The following PITPNC1 variants were observed in gnomAD, a reference collection of about 807,000 sequenced individuals.
PITPNC1 encodes phosphatidylinositol transfer protein cytoplasmic 1.
In PITPNC1, 18 loss-of-function variants were observed where a neutral mutation model predicts 44.7. The ratio of observed to expected loss-of-function variants is 0.40; its 90% CI spans 0.28 to 0.60. The LOEUF is 0.60. Among genes scored for constraint, PITPNC1 ranks in the 20% least tolerant of loss-of-function variants. The pLI is 0.39. For synonymous variants in PITPNC1, 141 were observed against 149.6 expected (o/e 0.94, Z 0.42); for missense variants, 290 against 418.4 (o/e 0.69, Z 2.68).
chr17:67,398,610 CTGTA>C (rs1245224132), intron 1 of PITPNC1, among the ~76,000 whole-genome samples: 1 of 152,054 alleles, frequency 6.6e-6, no homozygotes, highest in Admixed American at 6.6e-5. Context: ...TACTTCTCAG[CTGTA>C]ATGGTTTCCC....
chr17:67,652,164 G>T (rs2144368806), intron 6 of PITPNC1, among the ~76,000 whole-genome samples: 1 of 152,286 alleles, frequency 6.6e-6, no homozygotes, highest in Non-Finnish European at 1.5e-5. Context: ...GCCCTTTGTG[G>T]TTCAAATTGA....
intron 4 of PITPNC1, 200 bp from the exon 5 acceptor site, chr17:67,577,986 C>G (rs1485326273): frequency 1.3e-5 from 8 of 612,866 alleles, no homozygotes; most frequent in Admixed American, 4.6e-5. Flanking sequence ...GTGGCCTGAC[C>G]TCTGTCTGGA....
chr17:67,409,498 C>T (rs2038459666), intron 1 of PITPNC1, among the ~76,000 whole-genome samples: 1 of 152,070 alleles, frequency 6.6e-6, no homozygotes, highest in African/African-American at 2.4e-5. Context: ...ACATTTTGAT[C>T]CTGAAATTGC....
At chr17:67,622,044 C>T (rs1001277195) in intron 5 of PITPNC1, among the ~76,000 whole-genome samples, 5 of 152,154 alleles carry the variant, frequency 3.3e-5, no homozygotes, top group Middle Eastern at 3.4e-3. Flanking sequence ...CCAAGGCAGG[C>T]GGATCACGAG....
intron 8 of PITPNC1, among the ~76,000 whole-genome samples, chr17:67,680,118 G>A (rs1002795967): frequency 2.0e-5 from 3 of 152,122 alleles, no homozygotes; most frequent in Admixed American, 6.6e-5. Context: ...GGAGAAAGAA[G>A]CCTGCTAGGG....
At chr17:67,384,724 C>T (rs1009266525) in intron 1 of PITPNC1, among the ~76,000 whole-genome samples, 2 of 152,212 alleles carry the variant, frequency 1.3e-5, no homozygotes, top group African/African-American at 2.4e-5. Flanking sequence ...TGCGCCGGGC[C>T]TTGTTCTCAG....
chr17:67,668,864 A>T (rs528742413), intron 6 of PITPNC1, among the ~76,000 whole-genome samples: 216 of 152,206 alleles, frequency 1.4e-3, no homozygotes, highest in African/African-American at 4.9e-3. Flanking sequence ...TCCATCTCAA[A>T]AAAAAGAAAG....
intron 2 of PITPNC1, among the ~76,000 whole-genome samples, chr17:67,533,324 C>T (rs1431582975): frequency 6.6e-6 from 1 of 152,182 alleles, no homozygotes; most frequent in Admixed American, 6.5e-5. Flanking sequence ...ACCTTGCATT[C>T]TGCAAAATCG....
At chr17:67,561,222 G>A (rs556585775) in intron 4 of PITPNC1, among the ~76,000 whole-genome samples, 3 of 152,318 alleles carry the variant, frequency 2.0e-5, no homozygotes, top group South Asian at 2.1e-4. Flanking sequence ...CTGGGAGGCC[G>A]AGGCAGGTGG....
intron 6 of PITPNC1, among the ~76,000 whole-genome samples, chr17:67,663,267 G>T (rs1459357435): frequency 6.6e-6 from 1 of 152,122 alleles, no homozygotes; most frequent in East Asian, 1.9e-4. Flanking sequence ...TGAGCCGGTG[G>T]TGTTAAAAGT....
At position 67,380,930 on chromosome 17, in the gene PITPNC1, A is replaced by T. The variant is rs1310758095; in HGVS notation, c.48+2728A>T. Among the ~76,000 whole-genome samples, 3 of 152,104 alleles carry T rather than the reference A, an allele frequency of 2.0e-5. No individual in the cohort carries two copies. In the South Asian group the frequency reaches 6.2e-4, roughly 32 times the overall value. On this transcript the variant is annotated intron_variant, in intron 1 of 8. Coordinates refer to ENST00000581322, the MANE Select transcript of PITPNC1 (RefSeq NM_012417.4). Reference sequence around the variant, plus strand: ...CTGGGACAATAGGTGTGTGCTGCCAACCCGGCTAATTTTTTTACTTTTTGT... The same window carrying T: ...CTGGGACAATAGGTGTGTGCTGCCATCCCGGCTAATTTTTTTACTTTTTGT...
intron 1 of PITPNC1, among the ~76,000 whole-genome samples, chr17:67,479,468 G>C (rs879620950): frequency 2.1e-4 from 32 of 152,296 alleles, no homozygotes; most frequent in Non-Finnish European, 4.1e-4. Context: ...ATTTGGGCGG[G>C]AGTCTGCCAT....
intron 1 of PITPNC1, among the ~76,000 whole-genome samples, chr17:67,523,313 T>C (rs2040351666): frequency 6.6e-6 from 1 of 152,218 alleles, no homozygotes; most frequent in Non-Finnish European, 1.5e-5. Context: ...TTTGGCATTG[T>C]ACAAGTATAT....
intron 1 of PITPNC1, among the ~76,000 whole-genome samples, chr17:67,479,028 C>T (rs921860850): frequency 3.9e-5 from 6 of 152,020 alleles, no homozygotes; most frequent in African/African-American, 1.4e-4. Flanking sequence ...GCAATCATTA[C>T]TGAGCAATTC....
chr17:67,661,168 C>T (rs2042342029), intron 6 of PITPNC1, among the ~76,000 whole-genome samples: 1 of 151,736 alleles, frequency 6.6e-6, no homozygotes, highest in African/African-American at 2.4e-5. Flanking sequence ...CTTAAATTAG[C>T]ATAGTCTTTC....
intron 1 of PITPNC1, among the ~76,000 whole-genome samples, chr17:67,443,895 A>G (rs942226936): frequency 6.6e-6 from 1 of 151,990 alleles, no homozygotes; most frequent in African/African-American, 2.4e-5. Flanking sequence ...TCAGCCTCCC[A>G]AAGTGCTGGG....
chr17:67,436,666 G>A (rs116368881), intron 1 of PITPNC1, among the ~76,000 whole-genome samples: 3,760 of 152,170 alleles, frequency 0.025, 82 homozygotes, highest in African/African-American at 0.054. Context: ...TTTCTTGGCT[G>A]TGTGCAGAGC....
rs1352092025 is a variant in PITPNC1, at chr17:67,426,400, C to T, written c.48+48198C>T. 3.3e-5 allele frequency among the ~76,000 whole-genome samples: 5 copies of T among 152,250 alleles called. No individual in the cohort carries two copies. In the East Asian group the frequency reaches 9.6e-4, roughly 29 times the overall value. ...TAGACTGGATAAAGAAAATGTGGTA[C>T]ATATACACCATGGAATACTATACAG... On this transcript the variant is annotated intron_variant, in intron 1 of 8. Coordinates refer to ENST00000581322, the MANE Select transcript of PITPNC1 (RefSeq NM_012417.4).
chr17:67,494,170 T>C (rs1015820478), intron 1 of PITPNC1, among the ~76,000 whole-genome samples: 1 of 65,194 alleles, frequency 1.5e-5, no homozygotes, highest in African/African-American at 5.8e-5. Context: ...CCTCTTTCTT[T>C]CTTTCTTTCT....
Sources: allele counts gnomAD v4.1 joint callset (sites outside exome capture counted in the v4.1 genomes callset), GRCh38; gene constraint gnomAD v4.1.1; transcripts MANE v1.5; gene names NCBI Gene and HGNC (gene_info 2026-07-23, HGNC 2026-07-21).